Variants in DGKG observed in about 807,000 individuals in gnomAD.
DGKG encodes diacylglycerol kinase gamma, also known as DAG kinase gamma.
A neutral mutation model predicts 105.3 loss-of-function variants in DGKG; 78 were observed. The ratio of observed to expected loss-of-function variants is 0.74; its 90% CI spans 0.62 to 0.89. DGKG has a LOEUF of 0.89. Ranked by LOEUF, DGKG falls within the 40% of genes least tolerant of loss-of-function variation. DGKG has a pLI of 0.00. For missense variants in DGKG, 958 were observed against 1,020.1 expected (o/e 0.94, Z 0.83); for synonymous variants, 346 against 367.1 (o/e 0.94, Z 0.66).
intron 20 of DGKG, among the ~76,000 whole-genome samples, chr3:186,236,134 C>G (rs937003081): frequency 6.6e-6 from 1 of 152,190 alleles, no homozygotes; most frequent in Non-Finnish European, 1.5e-5. Flanking sequence ...CCTGTAGAAT[C>G]CAAACCAACC....
chr3:186,205,286 C>G (rs1019988158), intron 21 of DGKG, among the ~76,000 whole-genome samples: 1 of 146,680 alleles, frequency 6.8e-6, no homozygotes. Flanking sequence ...AAAAAAGTGA[C>G]CAACCTGCTC....
intron 1 of DGKG, among the ~76,000 whole-genome samples, chr3:186,335,372 T>G (rs373396043): frequency 3.9e-5 from 6 of 152,350 alleles, no homozygotes; most frequent in Middle Eastern, 3.4e-3. Context: ...GTTTCTCATT[T>G]GATAATTGTG....
chr3:186,351,573 G>C (rs781592296), intron 1 of DGKG, among the ~76,000 whole-genome samples: 103 of 152,330 alleles, frequency 6.8e-4, no homozygotes, highest in Non-Finnish European at 1.1e-3. Context: ...GCAGTTAAAA[G>C]AGAAGGGAAT....
intron 1 of DGKG, among the ~76,000 whole-genome samples, chr3:186,321,886 C>T (rs1725095328): frequency 6.6e-6 from 1 of 152,196 alleles, no homozygotes; most frequent in Non-Finnish European, 1.5e-5. Flanking sequence ...AAGTTCTAGT[C>T]TCTCGCCCTG....
intron 21 of DGKG, among the ~76,000 whole-genome samples, chr3:186,195,984 C>G (rs1718158146): frequency 6.6e-6 from 1 of 152,064 alleles, no homozygotes; most frequent in Admixed American, 6.5e-5. Context: ...TTCTATTATA[C>G]AGTTCTTGTC....
chr3:186,348,451 CTTTT>C (rs1159516433), intron 1 of DGKG, among the ~76,000 whole-genome samples: 1 of 50,702 alleles, frequency 2.0e-5, no homozygotes, highest in Non-Finnish European at 4.1e-5. Context: ...GGCTCATAAT[CTTTT>C]TTTTTTTTTT....
At chr3:186,357,829 A>G (rs1490953294) in intron 1 of DGKG, among the ~76,000 whole-genome samples, 1 of 152,228 alleles carries the variant, frequency 6.6e-6, no homozygotes, top group Non-Finnish European at 1.5e-5. Context: ...GTCCAGTTAA[A>G]CTTTTTGCAA....
intron 21 of DGKG, among the ~76,000 whole-genome samples, chr3:186,205,578 C>T (rs1029938469): frequency 5.3e-5 from 8 of 151,710 alleles, no homozygotes; most frequent in Admixed American, 3.3e-4. Flanking sequence ...GGTGTGGTGG[C>T]GGGCACCTAT....
intron 7 of DGKG, among the ~76,000 whole-genome samples, chr3:186,283,783 G>A (rs1034984414): frequency 1.7e-4 from 26 of 152,290 alleles, no homozygotes; most frequent in Middle Eastern, 3.4e-3. Flanking sequence ...GACCCAACCC[G>A]CAGCATTGCA....
At chr3:186,220,289 A>G (rs889166048) in intron 20 of DGKG, among the ~76,000 whole-genome samples, 1 of 152,210 alleles carries the variant, frequency 6.6e-6, no homozygotes, top group Non-Finnish European at 1.5e-5. Context: ...GCACTATTCC[A>G]TAGTAAAAGG....
chr3:186,320,576 A>G lies in DGKG; in HGVS notation c.-117T>C, dbSNP rs1336925544. The G allele has an allele frequency of 6.4e-7, 1 of 1,563,552 alleles. No homozygotes were observed. Among genetic ancestry groups the G allele is most frequent in the Non-Finnish European group, 8.7e-7 (1 of 1,152,724 alleles). ...AGGTTTGCGATGTAAGCCTTTCAGG[A>G]GACTTCTGGGAGCACTCAAGTGTAT... On this transcript the variant is annotated 5_prime_UTR_variant, in exon 2 of 25. Transcript: ENST00000265022.
chr3:186,355,378 A>C (rs1289657526), intron 1 of DGKG, among the ~76,000 whole-genome samples: 1 of 145,820 alleles, frequency 6.9e-6, no homozygotes, highest in South Asian at 2.3e-4. Context: ...GATCATCACC[A>C]CCACCACCAC....
chr3:186,306,953 G>T lies in DGKG; in HGVS notation c.92C>A (p.Ala31Asp), dbSNP rs62289056. Reference sequence around the variant, plus strand: ...CCCACCCTCATTAAATTCAGTCAAGGCATCTTTTATCTTCTTGGAGGAATC... The same window carrying T: ...CCCACCCTCATTAAATTCAGTCAAGTCATCTTTTATCTTCTTGGAGGAATC... ...SEYSSKKIKD[A>D]LTEFNEGGSL... Residue 31 changes from alanine (A) to aspartate (D), a missense_variant, in exon 3 of 25, where the codon GCC becomes GAC. Physicochemically the swap from Ala to Asp is moderately radical, Grantham distance 126 (BLOSUM62 -2). This residue lies in a region of DGKG where 643 missense variants were observed against 619.5 expected (regional missense o/e 1.04). Coordinates refer to ENST00000265022, the MANE Select transcript of DGKG (RefSeq NM_001346.3). The T allele has an allele frequency of 1.9e-6, 3 of 1,612,454 alleles. No individual in the cohort carries two copies. Among genetic ancestry groups the T allele is most frequent in the Non-Finnish European group, 2.5e-6 (3 of 1,178,544 alleles).
chr3:186,238,343 C>CAATCCATT (rs887590842), intron 20 of DGKG, among the ~76,000 whole-genome samples: 2 of 108,498 alleles, frequency 1.8e-5, no homozygotes, highest in African/African-American at 6.6e-5. Flanking sequence ...AAAAAGAAAA[C>CAATCCATT]AATCCATTTG....
Position 186,302,476 on chromosome 3 carries a change from A to G in DGKG, c.145-4247T>C, listed in dbSNP as rs1332432956. On this transcript the variant is annotated intron_variant, in intron 3 of 24. Coordinates refer to ENST00000265022, the MANE Select transcript of DGKG (RefSeq NM_001346.3). ...GGAAATGTGCTATATATATATATAT[A>G]TATATATATATATATATATATATAT... Among the ~76,000 whole-genome samples the G allele has an allele frequency of 4.4e-5, 4 of 91,300 alleles. 1 individual carries two copies. Among genetic ancestry groups the G allele is most frequent in the African/African-American group, 2.0e-4 (4 of 20,188 alleles). The allele number at this position is 91,300 out of a possible 152,430, so 59.9% of individuals were successfully genotyped here.
At chr3:186,242,437 G>A in intron 20 of DGKG, 67 bp downstream of exon 20, 3 of 1,392,604 alleles carry the variant, frequency 2.2e-6, no homozygotes, top group South Asian at 1.4e-5. Flanking sequence ...CAGAGAGCAG[G>A]TGAAAGGCCT....
At chr3:186,276,547 G>A (rs1254841892) in intron 9 of DGKG, among the ~76,000 whole-genome samples, 1 of 152,056 alleles carries the variant, frequency 6.6e-6, no homozygotes, top group Non-Finnish European at 1.5e-5. Flanking sequence ...ATCAACTTTC[G>A]GTACGCAGAA....
intron 1 of DGKG, among the ~76,000 whole-genome samples, chr3:186,324,384 T>C (rs911130118): frequency 2.0e-5 from 3 of 152,090 alleles, no homozygotes; most frequent in African/African-American, 7.2e-5. Context: ...AGTGGGTTAA[T>C]ATATGCAACA....
At chr3:186,153,347 T>C (rs570090252) in intron 24 of DGKG, among the ~76,000 whole-genome samples, 34 of 152,314 alleles carry the variant, frequency 2.2e-4, no homozygotes, top group Non-Finnish European at 4.0e-4. Flanking sequence ...CAAACCCTGA[T>C]AGAAAGAGGT....
Sources: allele counts gnomAD v4.1 joint callset (sites outside exome capture counted in the v4.1 genomes callset), GRCh38; gene constraint gnomAD v4.1.1; regional missense constraint gnomAD v4.1.1; transcripts MANE v1.5; gene names NCBI Gene and HGNC (gene_info 2026-07-23, HGNC 2026-07-21).